The following CNR1 variants were observed in gnomAD, a reference collection of about 807,000 sequenced individuals.
CNR1 encodes cannabinoid receptor 1.
In CNR1, 10 loss-of-function variants were observed where a neutral mutation model predicts 23.0. The observed-to-expected ratio is 0.43, with a 90% CI of 0.27 to 0.74. The LOEUF (loss-of-function observed/expected upper bound fraction) is 0.74, where lower values mean the gene tolerates loss of function less well. CNR1 is among the 30% of genes least tolerant of loss of function. The pLI is 0.19. For synonymous variants in CNR1, 271 were observed against 255.2 expected (o/e 1.06, Z -0.59); for missense variants, 422 against 618.8 (o/e 0.68, Z 3.37).
chr6:88,161,917 T>C (rs1004059323), intron 1 of CNR1, among the ~76,000 whole-genome samples: 5 of 152,350 alleles, frequency 3.3e-5, no homozygotes, highest in African/African-American at 1.2e-4. Context: ...TTCTGAGATA[T>C]GGTAATAACC....
rs751492689 is a variant in CNR1 at position 88,145,231 on chromosome 6, G to C, written c.44C>G (p.Thr15Ser). Residue 15 changes from threonine (T) to serine (S), a missense_variant, in exon 2 of 2, where the codon ACC (threonine) becomes AGC (serine). By Grantham distance (58) the Thr-to-Ser change is moderately conservative. Transcript: ENST00000369501. ...LDGLADTTFR[T>S]ITTDLLYVGS... ...CACGTACAGGAGGTCAGTGGTGATG[G>C]TGCGGAAGGTGGTATCTGCAAGGCC... The C allele has an allele frequency of 1.2e-6, 2 of 1,614,010 alleles. No individual in the cohort carries two copies.
At chr6:88,155,302 C>T (rs188984693) in intron 1 of CNR1, among the ~76,000 whole-genome samples, 71 of 152,264 alleles carry the variant, frequency 4.7e-4, no homozygotes, top group African/African-American at 1.7e-3. Context: ...AGAGAAAATC[C>T]TAATTTCCAA....
chr6:88,154,671 C>G (rs556387554), intron 1 of CNR1, among the ~76,000 whole-genome samples: 1 of 152,134 alleles, frequency 6.6e-6, no homozygotes, highest in African/African-American at 2.4e-5. Flanking sequence ...CTCCACCTCC[C>G]GAATTCAAGT....
At chr6:88,165,494 T>C (rs891933313) in intron 1 of CNR1, among the ~76,000 whole-genome samples, 3 of 152,238 alleles carry the variant, frequency 2.0e-5, no homozygotes, top group Non-Finnish European at 2.9e-5. Context: ...ACATGGTTTA[T>C]AGGCATTCAG....
chr6:88,148,392 G>A (rs549018537), intron 1 of CNR1, among the ~76,000 whole-genome samples: 2 of 152,190 alleles, frequency 1.3e-5, no homozygotes, highest in South Asian at 2.1e-4. Context: ...ATCTTACTGG[G>A]GACTTTATCT....
At chr6:88,151,382 C>T (rs1777509286) in intron 1 of CNR1, among the ~76,000 whole-genome samples, 1 of 152,120 alleles carries the variant, frequency 6.6e-6, no homozygotes, top group Admixed American at 6.6e-5. Context: ...TGATTCCAAC[C>T]AGTCAAAGCA....
At chr6:88,163,465 G>A (rs957929016) in intron 1 of CNR1, among the ~76,000 whole-genome samples, 3 of 152,186 alleles carry the variant, frequency 2.0e-5, no homozygotes, top group African/African-American at 7.2e-5. Context: ...CAAAGTATTT[G>A]ATTTCTAATT....
chr6:88,167,294 C>G (rs1451651655), upstream of CNR1, among the ~76,000 whole-genome samples: 1 of 152,184 alleles, frequency 6.6e-6, no homozygotes, highest in Non-Finnish European at 1.5e-5. Flanking sequence ...GCTCAGCAGC[C>G]GCGGCAGGAA....
intron 1 of CNR1, among the ~76,000 whole-genome samples, chr6:88,165,387 C>T (rs554395615): frequency 1.3e-5 from 2 of 152,288 alleles, no homozygotes; most frequent in Middle Eastern, 3.4e-3. Flanking sequence ...TATTATTTGA[C>T]ATACATCTCT....
chr6:88,140,136 A>G lies in CNR1; in HGVS notation c.*3720T>C, dbSNP rs1366826351. ...CTAACGAAGATATTGCAGTGGTTGC[A>G]ACGATGTTACCAGCTCAACAAACAT... On this transcript the variant is annotated 3_prime_UTR_variant, in exon 2 of 2. Transcript: ENST00000369501. The G allele has an allele frequency of 6.5e-6, 1 of 152,808 alleles. No homozygotes were observed. The highest frequency in any genetic ancestry group is 1.5e-5 in the Non-Finnish European group (1 of 68,042). The allele number at this position is 152,808 out of a possible 1,614,324, so 9.5% of individuals were successfully genotyped here.
intron 1 of CNR1, among the ~76,000 whole-genome samples, chr6:88,161,689 A>G (rs1004517505): frequency 2.6e-5 from 4 of 152,222 alleles, no homozygotes; most frequent in African/African-American, 9.6e-5. Context: ...ACCTCTTATT[A>G]GCAATATGTA....
chr6:88,164,073 T>A (rs765578710), intron 1 of CNR1, among the ~76,000 whole-genome samples: 2 of 152,234 alleles, frequency 1.3e-5, no homozygotes, highest in Non-Finnish European at 2.9e-5. Flanking sequence ...CATACATATA[T>A]TAATGTTATT....
In CNR1 at chr6:88,141,475, C is replaced by T. The variant is rs1276332028; in HGVS notation, c.*2381G>A. On this transcript the variant is annotated 3_prime_UTR_variant, in exon 2 of 2. Transcript: ENST00000369501. ...TTCAAAAATGAATCGTGAAATTTTT[C>T]TACCATAACAAGAATTTCTCTAGCT... 6.6e-6 allele frequency: 1 copy of T among 152,390 alleles called. No individual in the cohort carries two copies. Among genetic ancestry groups the T allele is most frequent in the African/African-American group, 2.4e-5 (1 of 41,458 alleles). 9.4% of individuals were successfully genotyped at this position (152,390 alleles called of 1,614,324 possible). A position where few individuals can be genotyped will look rare whatever the true frequency, so the allele number is the denominator to read the frequency against.
At chr6:88,167,095 C>G (rs1253527538), upstream of CNR1, among the ~76,000 whole-genome samples, 3 of 151,988 alleles carry the variant, frequency 2.0e-5, no homozygotes, top group Admixed American at 6.5e-5. Flanking sequence ...CCGCCGGTCC[C>G]CGATGCAAAC....
chr6:88,163,125 T>C (rs1778191559), intron 1 of CNR1: 1 of 152,222 alleles, frequency 6.6e-6, no homozygotes, highest in Admixed American at 6.5e-5. Flanking sequence ...TCACTGTATA[T>C]TCTTAGATTA....
intron 1 of CNR1, among the ~76,000 whole-genome samples, chr6:88,155,293 G>T (rs920598556): frequency 6.6e-6 from 1 of 152,170 alleles, no homozygotes; most frequent in Non-Finnish European, 1.5e-5. Context: ...ATGCACAATA[G>T]AGAAAATCCT....
At chr6:88,148,380 A>AG (rs1284696706) in intron 1 of CNR1, among the ~76,000 whole-genome samples, 2 of 152,246 alleles carry the variant, frequency 1.3e-5, no homozygotes, top group Non-Finnish European at 2.9e-5. Flanking sequence ...AGTTCACTGA[A>AG]GATCTTACTG....
At chr6:88,150,987 T>C (rs1176052490) in intron 1 of CNR1, among the ~76,000 whole-genome samples, 2 of 152,222 alleles carry the variant, frequency 1.3e-5, no homozygotes, top group African/African-American at 4.8e-5. Flanking sequence ...TTTCTTGACC[T>C]CTACAATCAG....
chr6:88,140,281 T>C lies in CNR1; in HGVS notation c.*3575A>G, dbSNP rs1776736799. The C allele has an allele frequency of 6.5e-6, 1 of 152,744 alleles. No individual in the cohort carries two copies. The allele number at this position is 152,744 out of a possible 1,614,324, so 9.5% of individuals were successfully genotyped here. ...ATTTGAATCCAGATACAAGAAAAGGTTTCCTTTCTTGGGAACTCTGATCCC... is the reference window on the plus strand; with the variant it reads ...ATTTGAATCCAGATACAAGAAAAGGCTTCCTTTCTTGGGAACTCTGATCCC... On this transcript the variant is annotated 3_prime_UTR_variant, in exon 2 of 2. Transcript: ENST00000369501.
Sources: allele counts gnomAD v4.1 joint callset (sites outside exome capture counted in the v4.1 genomes callset), GRCh38; gene constraint gnomAD v4.1.1; transcripts MANE v1.5; gene names NCBI Gene and HGNC (gene_info 2026-07-23, HGNC 2026-07-21).